Variants in SDK1 observed in about 807,000 individuals in gnomAD.
The protein encoded by SDK1 is protein sidekick-1.
Under a neutral mutation model 245.5 loss-of-function variants are expected in SDK1, and 157 were observed. The ratio of observed to expected loss-of-function variants is 0.64; its 90% CI spans 0.56 to 0.73. The LOEUF is 0.73. Among genes scored for constraint, SDK1 ranks in the 30% least tolerant of loss-of-function variants. The pLI, the probability that SDK1 is intolerant of heterozygous loss-of-function variation, is 0.00. For missense variants in SDK1, 3,583 were observed against 3,002.3 expected (o/e 1.19, Z -4.52); for synonymous variants, 1,647 against 1,278.5 (o/e 1.29, Z -6.15).
intron 4 of SDK1, among the ~76,000 whole-genome samples, chr7:3,758,178 T>C (rs1318761264): frequency 1.3e-5 from 2 of 152,186 alleles, no homozygotes; most frequent in Non-Finnish European, 2.9e-5. Context: ...TAATAAATAT[T>C]CTGAGGGATA....
chr7:3,884,086 T>G (rs930268675), intron 5 of SDK1, among the ~76,000 whole-genome samples: 4 of 99,868 alleles, frequency 4.0e-5, no homozygotes, highest in Admixed American at 1.0e-4. Flanking sequence ...TTTTTTTGTT[T>G]TTTTTTTTTT....
chr7:3,553,615 A>G (rs1291986735), intron 1 of SDK1, among the ~76,000 whole-genome samples: 2 of 152,138 alleles, frequency 1.3e-5, no homozygotes, highest in African/African-American at 4.8e-5. Context: ...GAAGCAAGCA[A>G]GCAGCCAAGG....
rs752212968 is a variant in SDK1 at position 3,967,305 on chromosome 7, C to A, written c.1430-13C>A. The A allele has an allele frequency of 9.4e-6, 15 of 1,598,644 alleles. No individual in the cohort carries two copies. Among genetic ancestry groups the A allele is most frequent in the Non-Finnish European group, 1.3e-5 (15 of 1,165,964 alleles). Reference sequence around the variant, plus strand: ...AACAAGGCCCTGATCATTTCATTTACTCCTCTTCTCAGATATCGCTCCAGT... The same window carrying A: ...AACAAGGCCCTGATCATTTCATTTAATCCTCTTCTCAGATATCGCTCCAGT... On this transcript the variant is annotated splice_polypyrimidine_tract_variant and intron_variant, in intron 9 of 44. Coordinates refer to ENST00000404826, the MANE Select transcript of SDK1 (RefSeq NM_152744.4).
rs149326924 is a variant in SDK1, at chr7:4,007,928, A to G, written c.2132-3038A>G. On this transcript the variant is annotated intron_variant, in intron 14 of 44. Transcript: ENST00000404826. Reference sequence around the variant, plus strand: ...GTAGTGAAACACACATAAAAAATCCATCATGTTCACCATTTGTAAGTGCAC... The same window carrying G: ...GTAGTGAAACACACATAAAAAATCCGTCATGTTCACCATTTGTAAGTGCAC... Among the ~76,000 whole-genome samples the G allele has an allele frequency of 4.1e-4, 63 of 152,288 alleles. No homozygotes were observed. In the East Asian group the frequency reaches 0.012, roughly 29 times the overall value.
intron 1 of SDK1, among the ~76,000 whole-genome samples, chr7:3,519,688 A>G (rs6955210): frequency 2.0e-5 from 3 of 152,152 alleles, no homozygotes; most frequent in South Asian, 2.1e-4. Context: ...AGATACGCAT[A>G]AAAAATATGT....
At chr7:3,910,363 T>C (rs145937148) in intron 5 of SDK1, among the ~76,000 whole-genome samples, 238 of 152,326 alleles carry the variant, frequency 1.6e-3, no homozygotes, top group African/African-American at 5.5e-3. Context: ...GTACAAAGAC[T>C]CTCTGTGTTG....
chr7:3,593,174 TTTC>T (rs570628723), intron 1 of SDK1, among the ~76,000 whole-genome samples: 211 of 152,350 alleles, frequency 1.4e-3, no homozygotes, highest in African/African-American at 4.9e-3. Flanking sequence ...ATCAAGTTAA[TTTC>T]TTGACTTTAA....
At chr7:4,015,164 C>A (rs964774363) in intron 16 of SDK1, among the ~76,000 whole-genome samples, 5 of 152,116 alleles carry the variant, frequency 3.3e-5, no homozygotes, top group Non-Finnish European at 7.4e-5. Flanking sequence ...ATGCTACTGT[C>A]GTACCCACCT....
intron 20 of SDK1, among the ~76,000 whole-genome samples, chr7:4,076,432 T>C (rs1780683749): frequency 6.6e-6 from 1 of 152,110 alleles, no homozygotes; most frequent in Admixed American, 6.6e-5. Flanking sequence ...GGTTCACGCC[T>C]GTGGTCCCAG....
chr7:3,982,140 G>A (rs975131174), intron 13 of SDK1, among the ~76,000 whole-genome samples: 17 of 152,212 alleles, frequency 1.1e-4, no homozygotes, highest in Admixed American at 3.3e-4. Context: ...TCTTAAGAAC[G>A]ATGCTAAATC....
chr7:3,631,893 T>C (rs1315962767), intron 2 of SDK1, among the ~76,000 whole-genome samples: 1 of 152,242 alleles, frequency 6.6e-6, no homozygotes, highest in Non-Finnish European at 1.5e-5. Flanking sequence ...TTAAAATTTA[T>C]ATTTTTAATT....
At chr7:4,172,429 C>G (rs893233766) in intron 32 of SDK1, among the ~76,000 whole-genome samples, 1 of 152,154 alleles carries the variant, frequency 6.6e-6, no homozygotes, top group Non-Finnish European at 1.5e-5. Flanking sequence ...TGTCGGAGAG[C>G]CTGGGGAGCA....
chr7:3,530,638 A>T (rs1783311419), intron 1 of SDK1, among the ~76,000 whole-genome samples: 1 of 151,756 alleles, frequency 6.6e-6, no homozygotes, highest in African/African-American at 2.4e-5. Flanking sequence ...TTTCACATAG[A>T]TAGGCATGTG....
chr7:3,598,903 C>T (rs943117731), intron 1 of SDK1, among the ~76,000 whole-genome samples: 1 of 152,118 alleles, frequency 6.6e-6, no homozygotes, highest in East Asian at 1.9e-4. Flanking sequence ...GCTGTCATGA[C>T]TAAAGCTGTT....
At chr7:3,725,803 C>T (rs1434246032) in intron 4 of SDK1, among the ~76,000 whole-genome samples, 2 of 152,244 alleles carry the variant, frequency 1.3e-5, no homozygotes, top group South Asian at 2.1e-4. Context: ...AGCATGGTCA[C>T]GAATGACATG....
At chr7:3,332,560 A>G (rs539609465) in intron 1 of SDK1, among the ~76,000 whole-genome samples, 19 of 152,268 alleles carry the variant, frequency 1.2e-4, no homozygotes, top group African/African-American at 4.6e-4. Context: ...TGGAAAAACA[A>G]CTTTTATTGC....
intron 28 of SDK1, among the ~76,000 whole-genome samples, chr7:4,143,135 T>G (rs1779694937): frequency 6.6e-6 from 1 of 152,148 alleles, no homozygotes; most frequent in Non-Finnish European, 1.5e-5. Context: ...GGCTTGGCCA[T>G]GTCTGTTCTG....
chr7:3,481,497 G>A (rs1025825472), intron 1 of SDK1, among the ~76,000 whole-genome samples: 10 of 152,218 alleles, frequency 6.6e-5, no homozygotes, highest in African/African-American at 1.9e-4. Context: ...TGGACTGTTA[G>A]TGAGCCTCCT....
intron 5 of SDK1, among the ~76,000 whole-genome samples, chr7:3,931,043 C>G (rs959237498): frequency 6.6e-5 from 10 of 152,130 alleles, no homozygotes; most frequent in African/African-American, 2.4e-4. Flanking sequence ...CATTTCTTTT[C>G]TAAATAAGTG....
Sources: allele counts gnomAD v4.1 joint callset (sites outside exome capture counted in the v4.1 genomes callset), GRCh38; gene constraint gnomAD v4.1.1; transcripts MANE v1.5; gene names NCBI Gene and HGNC (gene_info 2026-07-23, HGNC 2026-07-21).